EMILIN2: variants seen among roughly 807,000 people sequenced by gnomAD.
EMILIN2 encodes elastin microfibril interfacer 2, also known as EMILIN-2.
EMILIN2 carries 71 observed loss-of-function variants against 87.1 expected under a neutral mutation model. The observed-to-expected ratio is 0.82, with a 90% CI of 0.67 to 0.99. The LOEUF (loss-of-function observed/expected upper bound fraction) is 0.99, where lower values mean the gene tolerates loss of function less well. Among genes scored for constraint, EMILIN2 ranks in the 50% least tolerant of loss-of-function variants. EMILIN2 has a pLI of 0.00. For synonymous variants in EMILIN2, 581 were observed against 563.4 expected, an observed-to-expected ratio of 1.03 and a Z score of -0.44; for missense variants, 1,407 against 1,371.8, an observed-to-expected ratio of 1.03 and a Z score of -0.40.
chr18:2,883,340 C>T (rs188429272), intron 2 of EMILIN2, among the ~76,000 whole-genome samples: 48 of 152,260 alleles, frequency 3.2e-4, no homozygotes, highest in Admixed American at 5.2e-4. Context: ...AACCCCGCTG[C>T]TGCTATTGTC....
chr18:2,863,669 TGTG>T (rs201072679), intron 2 of EMILIN2, among the ~76,000 whole-genome samples: 8,129 of 152,226 alleles, frequency 0.053, 705 homozygotes, highest in East Asian at 0.47. Context: ...ATAGGTGTGA[TGTG>T]GTGCTGAGAA....
intron 4 of EMILIN2, 53 bp from the exon 5 acceptor site, chr18:2,906,730 C>G: frequency 8.3e-7 from 1 of 1,210,680 alleles, no homozygotes; most frequent in South Asian, 3.6e-5. Context: ...ACGGGGCAGT[C>G]AGGGCTGAGG....
At chr18:2,864,608 C>G (rs1436539921) in intron 2 of EMILIN2, among the ~76,000 whole-genome samples, 6 of 152,196 alleles carry the variant, frequency 3.9e-5, no homozygotes, top group Admixed American at 3.3e-4. Context: ...ATGGGCTTCC[C>G]TTTGTGGGTA....
chr18:2,907,151 G>T, intron 5 of EMILIN2, 66 bp downstream of exon 5: 4 of 1,222,006 alleles, frequency 3.3e-6, no homozygotes, highest in Non-Finnish European at 4.1e-6. Flanking sequence ...GAGCCTCGGG[G>T]TCTGCTGAGG....
intron 2 of EMILIN2, among the ~76,000 whole-genome samples, chr18:2,884,636 T>C (rs1274048460): frequency 6.6e-6 from 1 of 152,212 alleles, no homozygotes; most frequent in East Asian, 1.9e-4. Context: ...AGAAGTTTGG[T>C]GAAACAAAAG....
intron 2 of EMILIN2, among the ~76,000 whole-genome samples, chr18:2,850,821 G>A (rs1046060916): frequency 6.6e-6 from 1 of 152,028 alleles, no homozygotes; most frequent in African/African-American, 2.4e-5. Flanking sequence ...GACAGTGGAG[G>A]GGAAGGAAGA....
intron 2 of EMILIN2, among the ~76,000 whole-genome samples, chr18:2,850,555 G>T (rs1399379725): frequency 6.6e-6 from 1 of 151,920 alleles, no homozygotes; most frequent in Non-Finnish European, 1.5e-5. Context: ...ACAAGCAGAA[G>T]TCACTGCATC....
chr18:2,868,003 G>T (rs2143984560), intron 2 of EMILIN2, among the ~76,000 whole-genome samples: 1 of 152,190 alleles, frequency 6.6e-6, no homozygotes, highest in East Asian at 1.9e-4. Flanking sequence ...CTCCCTCCCG[G>T]ACGGGGTGGC....
Position 2,847,170 on chromosome 18 carries a change from C to A in EMILIN2, c.-19C>A. ...GCGCTCCGGACCCGGGCAGGCGGGGCGCGCCCGCTGCGCGCGGGATGTGGC... is the reference window on the plus strand; with the variant it reads ...GCGCTCCGGACCCGGGCAGGCGGGGAGCGCCCGCTGCGCGCGGGATGTGGC... On this transcript the variant is annotated 5_prime_UTR_variant, in exon 1 of 8. Coordinates refer to ENST00000254528, the MANE Select transcript of EMILIN2 (RefSeq NM_032048.3). This position sits in a 1 kb window ranked among gnomAD's most constrained non-coding sequence, Gnocchi z 4.5. 9.2e-7 allele frequency: 1 copy of A among 1,089,792 alleles called. No homozygotes were observed. 67.5% of individuals were successfully genotyped at this position (1,089,792 alleles called of 1,614,324 possible). A position where few individuals can be genotyped will look rare whatever the true frequency, so the allele number is the denominator to read the frequency against.
At position 2,873,650 on chromosome 18, in the gene EMILIN2, T is replaced by A. The variant is rs190926470; in HGVS notation, c.258-11314T>A. 3.3e-3 allele frequency among the ~76,000 whole-genome samples: 509 copies of A among 151,974 alleles called. 1 individual carries two copies. The highest frequency in any genetic ancestry group is 0.012 in the African/African-American group (483 of 41,398). On this transcript the variant is annotated intron_variant, in intron 2 of 7. Coordinates refer to ENST00000254528, the MANE Select transcript of EMILIN2 (RefSeq NM_032048.3). ...TGAACCCGGGAGGCGGAGCTTGCAG[T>A]GAGCCAAGATCGCGTCACTGCACTC...
intron 2 of EMILIN2, among the ~76,000 whole-genome samples, chr18:2,860,002 G>A (rs575736427): frequency 6.6e-6 from 1 of 152,168 alleles, no homozygotes; most frequent in South Asian, 2.1e-4. Context: ...GTCAGATAAT[G>A]TGATGCCTCC....
At chr18:2,869,237 T>C (rs2076707006) in intron 2 of EMILIN2, among the ~76,000 whole-genome samples, 3 of 151,886 alleles carry the variant, frequency 2.0e-5, no homozygotes, top group African/African-American at 7.3e-5. Context: ...CTTTCACAGA[T>C]TTGAAGAGAT....
chr18:2,877,273 CT>C (rs150066248), intron 2 of EMILIN2, among the ~76,000 whole-genome samples: 4,964 of 152,248 alleles, frequency 0.033, 278 homozygotes, highest in African/African-American at 0.11. Flanking sequence ...GACAGAACTA[CT>C]TTTCCTTCGA....
chr18:2,891,489 T>G lies in EMILIN2; in HGVS notation c.1362T>G (p.Asp454Glu). ...TTGATGCAAAATGGAATGAACTCGA[T>G]GCAAGGATCAATGTGACGGAGAAGA... is the stretch of plus-strand genomic sequence containing the variant. Reference protein sequence around the residue: ...VDFDAKWNELDARINVTEKNA... With the variant: ...VDFDAKWNELEARINVTEKNA... Residue 454 changes from aspartate (D) to glutamate (E), a missense_variant, in exon 4 of 8, where the codon GAT becomes GAG. Transcript: ENST00000254528. This position sits in a 1 kb window ranked among gnomAD's most constrained non-coding sequence, Gnocchi z 4.6. The G allele has an allele frequency of 6.2e-7, 1 of 1,614,216 alleles. No homozygotes were observed. Among genetic ancestry groups the G allele is most frequent in the Non-Finnish European group, 8.5e-7 (1 of 1,180,038 alleles).
intron 2 of EMILIN2, among the ~76,000 whole-genome samples, chr18:2,878,376 G>C (rs1339487139): frequency 6.6e-6 from 1 of 152,006 alleles, no homozygotes; most frequent in Admixed American, 6.6e-5. Flanking sequence ...TGTAATCTTA[G>C]CTATTTGCGA....
intron 2 of EMILIN2, among the ~76,000 whole-genome samples, chr18:2,856,082 A>C (rs2076625715): frequency 6.6e-6 from 1 of 152,154 alleles, no homozygotes; most frequent in African/African-American, 2.4e-5. Flanking sequence ...GATGAACTTT[A>C]AGTGAAGCTC....
Position 2,866,065 on chromosome 18 carries a change from G to A in EMILIN2, c.257+18134G>A, listed in dbSNP as rs146881799. On this transcript the variant is annotated intron_variant, in intron 2 of 7. Transcript: ENST00000254528. ...TTGCTAAGACCATTGGAAAAGTGCA[G>A]TATTAGGGTGGGAGTGACCTGATTT... is the stretch of plus-strand genomic sequence containing the variant. Among the ~76,000 whole-genome samples, 6 of 152,328 alleles carry A rather than the reference G, an allele frequency of 3.9e-5. No individual in the cohort carries two copies. The East Asian group carries it at 1.2e-3, about 29-fold the overall frequency.
rs146021369 is a variant in EMILIN2 at position 2,910,475 on chromosome 18, G to A, written c.2824+656G>A. On this transcript the variant is annotated intron_variant, in intron 7 of 7. Coordinates refer to ENST00000254528, the MANE Select transcript of EMILIN2 (RefSeq NM_032048.3). ...CTGGGCTGGGCTGCTCTGCCCGGAC[G>A]GAGGGCAGCTCCAAGGAAACAGGGT... Among the ~76,000 whole-genome samples, 955 of 152,284 alleles carry A rather than the reference G, an allele frequency of 6.3e-3. 3 individuals are homozygous for A. The highest frequency in any genetic ancestry group is 0.011 in the Non-Finnish European group (776 of 68,022).
chr18:2,862,548 C>A (rs914268491), intron 2 of EMILIN2, among the ~76,000 whole-genome samples: 2 of 152,170 alleles, frequency 1.3e-5, no homozygotes, highest in Non-Finnish European at 2.9e-5. Context: ...GTTGAACCAG[C>A]CTTGCATCCC....
Sources: gnomAD v4.1 joint callset for allele counts (sites outside exome capture counted in the v4.1 genomes callset) on GRCh38, gnomAD v4.1.1 for gene constraint, Gnocchi (gnomAD v3.1) non-coding constraint, MANE v1.5 for transcripts, NCBI Gene and HGNC (gene_info 2026-07-23, HGNC 2026-07-21) for gene names.